SLC2A9: variants seen among roughly 807,000 people sequenced by gnomAD.
SLC2A9 encodes solute carrier family 2, facilitated glucose transporter member 9.
In SLC2A9, 39 loss-of-function variants were observed where a neutral mutation model predicts 50.6. The observed-to-expected ratio is 0.77, with a 90% confidence interval of 0.60 to 1.01. The LOEUF (loss-of-function observed/expected upper bound fraction) is 1.01, where lower values mean the gene tolerates loss of function less well. SLC2A9 is among the 50% of genes least tolerant of loss of function. The pLI, the probability that SLC2A9 is intolerant of heterozygous loss-of-function variation, is 0.00. For synonymous variants in SLC2A9, 324 were observed against 276.9 expected (o/e 1.17, Z -1.69); for missense variants, 686 against 677.6 (o/e 1.01, Z -0.14).
chr4:10,014,489 T>C (rs575141584), intron 2 of SLC2A9, among the ~76,000 whole-genome samples: 1 of 152,302 alleles, frequency 6.6e-6, no homozygotes, highest in South Asian at 2.1e-4. Context: ...CATGCTCCTG[T>C]TCTGGCCTCT....
intron 5 of SLC2A9, among the ~76,000 whole-genome samples, chr4:9,970,539 C>A (rs13132625): frequency 0.069 from 10,516 of 152,074 alleles, 876 homozygotes; most frequent in East Asian, 0.47. Context: ...TAGCCTGTGG[C>A]AGTTTTGAGT....
chr4:9,942,175 C>A (rs1001786988), intron 5 of SLC2A9, 130 bp from the exon 6 acceptor site: 5 of 1,160,818 alleles, frequency 4.3e-6, no homozygotes, highest in Non-Finnish European at 6.3e-6. Context: ...GGAACAAAGG[C>A]TGAGGGAAGG....
At position 9,863,891 on chromosome 4, in the gene SLC2A9, T is replaced by C. The variant is rs140724250; in HGVS notation, c.1291+23676A>G. On this transcript the variant is annotated intron_variant, in intron 10 of 11. Transcript: ENST00000264784. ...ATGTATTGCTCTTTATGTAGAAACA[T>C]CTATTCACTGTAAGTTTCCTCCAAA... 1.2e-3 allele frequency among the ~76,000 whole-genome samples: 188 copies of C among 152,226 alleles called. 5 individuals carry two copies. Among genetic ancestry groups the C allele is most frequent in the African/African-American group, 4.3e-3 (179 of 41,458 alleles).
intron 3 of SLC2A9, among the ~76,000 whole-genome samples, chr4:9,780,537 T>C (rs1718202309): frequency 6.6e-6 from 1 of 151,858 alleles, no homozygotes; most frequent in South Asian, 2.1e-4. Context: ...GTGCGTTTGG[T>C]GGAGGGGGAG....
chr4:9,834,680 A>G (rs969371038), intron 11 of SLC2A9, among the ~76,000 whole-genome samples: 2 of 152,190 alleles, frequency 1.3e-5, no homozygotes, highest in African/African-American at 4.8e-5. Context: ...AGCCCACAGC[A>G]TTTAGGGAAG....
chr4:10,027,075 A>C (rs1315015609), intron 1 of SLC2A9, among the ~76,000 whole-genome samples: 1 of 152,120 alleles, frequency 6.6e-6, no homozygotes, highest in African/African-American at 2.4e-5. Context: ...ACCCAGACAC[A>C]AAAAGCGACA....
chr4:9,953,791 T>TTTTG (rs55668476), intron 5 of SLC2A9, among the ~76,000 whole-genome samples: 41 of 151,218 alleles, frequency 2.7e-4, no homozygotes, highest in South Asian at 4.2e-4. Flanking sequence ...CCCAGCTAAA[T>TTTTG]TTTGTTTGTT....
chr4:9,868,717 C>T (rs553618735), intron 10 of SLC2A9, among the ~76,000 whole-genome samples: 13 of 152,312 alleles, frequency 8.5e-5, no homozygotes, highest in African/African-American at 1.2e-4. Context: ...ATTAACTGAG[C>T]GCTTCATAAG....
At chr4:9,777,799 C>T (rs1717764732), downstream of SLC2A9, among the ~76,000 whole-genome samples, 1 of 152,180 alleles carries the variant, frequency 6.6e-6, no homozygotes, top group Non-Finnish European at 1.5e-5. Context: ...AACGGCTGCA[C>T]TAGGAGCCAG....
chr4:9,774,724 C>T (rs1275614052), intron 1 of SLC2A9, among the ~76,000 whole-genome samples: 1 of 152,080 alleles, frequency 6.6e-6, no homozygotes, highest in Non-Finnish European at 1.5e-5. Flanking sequence ...TTCCTCTCCT[C>T]CTTCTCATTT....
chr4:9,826,839 G>T (rs1428281242), intron 11 of SLC2A9, among the ~76,000 whole-genome samples: 3 of 152,136 alleles, frequency 2.0e-5, no homozygotes, highest in Non-Finnish European at 2.9e-5. Context: ...CTTTTTTGTT[G>T]TTGTTGTTGC....
intron 6 of SLC2A9, among the ~76,000 whole-genome samples, chr4:9,939,153 G>A (rs1747669105): frequency 6.6e-6 from 1 of 152,150 alleles, no homozygotes; most frequent in South Asian, 2.1e-4. Flanking sequence ...CCATGAGAAT[G>A]TGCCCTGCTG....
At chr4:9,773,203 G>T (rs1217246396) in intron 1 of SLC2A9, among the ~76,000 whole-genome samples, 1 of 152,212 alleles carries the variant, frequency 6.6e-6, no homozygotes, top group Non-Finnish European at 1.5e-5. Context: ...GGGGTCCTGT[G>T]GTTGAGGTGA....
At chr4:9,777,274 C>T (rs1400635378), downstream of SLC2A9, among the ~76,000 whole-genome samples, 1 of 149,464 alleles carries the variant, frequency 6.7e-6, no homozygotes, top group Non-Finnish European at 1.5e-5. Context: ...AAAAAAAGAG[C>T]TCCCTTGCCC....
At chr4:9,788,356 A>ATTT (rs36144026) in intron 3 of SLC2A9, among the ~76,000 whole-genome samples, 7,753 of 136,842 alleles carry the variant, frequency 0.057, 652 homozygotes, top group African/African-American at 0.15. Flanking sequence ...TGCCCAGGTA[A>ATTT]TTTTTTTTTT....
chr4:9,838,207 G>A (rs1727403680), intron 10 of SLC2A9, among the ~76,000 whole-genome samples: 1 of 152,092 alleles, frequency 6.6e-6, no homozygotes, highest in Admixed American at 6.6e-5. Context: ...AAGAAGTGAT[G>A]GTGATGAAGA....
At chr4:9,970,370 G>A (rs1056043191) in intron 5 of SLC2A9, among the ~76,000 whole-genome samples, 20 of 152,294 alleles carry the variant, frequency 1.3e-4, no homozygotes, top group African/African-American at 4.1e-4. Context: ...TGTGATTCAC[G>A]ACATAATCTT....
At chr4:9,996,632 T>C in intron 3 of SLC2A9, 149 bp downstream of exon 3, 2 of 1,000,472 alleles carry the variant, frequency 2.0e-6, no homozygotes, top group Non-Finnish European at 3.0e-6. Context: ...CCTTGGTCTC[T>C]GATTTCTTCC....
intron 10 of SLC2A9, among the ~76,000 whole-genome samples, chr4:9,868,249 A>G (rs1205743939): frequency 6.6e-6 from 1 of 152,228 alleles, no homozygotes; most frequent in Non-Finnish European, 1.5e-5. Context: ...GGCCATGCCC[A>G]GAGGAGGGGC....
Sources: allele counts gnomAD v4.1 joint callset (sites outside exome capture counted in the v4.1 genomes callset), GRCh38; gene constraint gnomAD v4.1.1; transcripts MANE v1.5; gene names NCBI Gene and HGNC (gene_info 2026-07-23, HGNC 2026-07-21).